NDUFA12: variants seen among roughly 807,000 people sequenced by gnomAD.
The protein encoded by NDUFA12 is NADH:ubiquinone oxidoreductase subunit A12, also known as NADH dehydrogenase [ubiquinone] 1 alpha subcomplex subunit 12.
NDUFA12 carries 17 observed loss-of-function variants against 20.3 expected under a neutral mutation model. That is an observed-to-expected ratio of 0.84 (90% CI 0.57 to 1.26). The LOEUF (loss-of-function observed/expected upper bound fraction) is 1.26, where lower values mean the gene tolerates loss of function less well. NDUFA12 is among the 50% of genes most tolerant of loss of function. NDUFA12 has a pLI of 0.00. For missense variants in NDUFA12, 191 were observed against 183.7 expected, an observed-to-expected ratio of 1.04 and a Z score of -0.23; for synonymous variants, 72 against 63.6, an observed-to-expected ratio of 1.13 and a Z score of -0.63.
intron 3 of NDUFA12, among the ~76,000 whole-genome samples, chr12:94,986,279 T>C (rs1054587371): frequency 1.3e-4 from 20 of 151,478 alleles, no homozygotes; most frequent in Non-Finnish European, 2.9e-4. Flanking sequence ...AGTAGAATGG[T>C]GGTTACCACG....
At chr12:94,974,179 C>T (rs1390235257) in intron 3 of NDUFA12, among the ~76,000 whole-genome samples, 1 of 151,860 alleles carries the variant, frequency 6.6e-6, no homozygotes, top group Non-Finnish European at 1.5e-5. Context: ...ACCATGTTGT[C>T]CAGGCTGGTC....
At chr12:94,983,930 C>T (rs1874324553) in intron 3 of NDUFA12, among the ~76,000 whole-genome samples, 1 of 151,808 alleles carries the variant, frequency 6.6e-6, no homozygotes, top group African/African-American at 2.4e-5. Context: ...TTGCGGTAGC[C>T]CAGCAAGATG....
At chr12:94,987,184 G>A (rs1272768946) in intron 3 of NDUFA12, among the ~76,000 whole-genome samples, 1 of 152,140 alleles carries the variant, frequency 6.6e-6, no homozygotes, top group Non-Finnish European at 1.5e-5. Flanking sequence ...CATGGCTTCA[G>A]TGACAGGAAT....
intron 2 of NDUFA12, among the ~76,000 whole-genome samples, chr12:95,000,978 A>G (rs984387331): frequency 6.6e-6 from 1 of 152,246 alleles, no homozygotes; most frequent in Non-Finnish European, 1.5e-5. Flanking sequence ...AAAATGTTTA[A>G]TTCATCAGTA....
chr12:94,971,550 A>G lies in NDUFA12; in HGVS notation c.328T>C (p.Trp110Arg), dbSNP rs768096723. Reference sequence around the variant, plus strand: ...GTCACGTTGAATTTATGGTTCGTCCAAATGAATTTACGAGCAGTAAGTGGT... The same window carrying G: ...GTCACGTTGAATTTATGGTTCGTCCGAATGAATTTACGAGCAGTAAGTGGT... ...TKPLTARKFI[W>R]TNHKFNVTGT... is the part of the protein sequence containing the mutation. Residue 110 changes from tryptophan (W) to arginine (R), a missense_variant, in exon 4 of 4, where the codon TGG (tryptophan) becomes CGG (arginine). Trp to Arg is a moderately radical substitution (Grantham distance 101, BLOSUM62 -3). Coordinates refer to ENST00000327772, the MANE Select transcript of NDUFA12 (RefSeq NM_018838.5). 5.0e-6 allele frequency: 8 copies of G among 1,614,238 alleles called. No individual in the cohort carries two copies. The highest frequency in any genetic ancestry group is 6.8e-6 in the Non-Finnish European group (8 of 1,180,040).
rs143119749 is a variant in NDUFA12, at chr12:94,989,362, A to C, written c.257+4808T>G. Among the ~76,000 whole-genome samples the C allele has an allele frequency of 5.6e-3, 858 of 152,316 alleles. 19 individuals carry two copies. The highest frequency in any genetic ancestry group is 4.4e-3 in the Non-Finnish European group (297 of 68,026). ...AAATAGTTATTTGAATAGGGATGAT[A>C]AATTGTATCTGTACAATTACTCTCT... On this transcript the variant is annotated intron_variant, in intron 3 of 3. Transcript: ENST00000327772.
intron 2 of NDUFA12, 102 bp downstream of exon 2, chr12:95,002,637 T>C (rs1253157581): frequency 1.2e-6 from 1 of 858,946 alleles, no homozygotes; most frequent in Non-Finnish European, 2.0e-6. Flanking sequence ...TTTCATCCTT[T>C]TCCAGGTGTT....
At chr12:94,990,278 A>AC (rs112056658) in intron 3 of NDUFA12, among the ~76,000 whole-genome samples, 11,749 of 151,748 alleles carry the variant, frequency 0.077, 535 homozygotes, top group Middle Eastern at 0.22. Flanking sequence ...GTGGAAAAAA[A>AC]AAAAACAAAA....
At position 95,003,575 on chromosome 12, in the gene NDUFA12, G is replaced by A; in HGVS notation, c.86+20C>T. 1 of 1,612,256 alleles carries A rather than the reference G, an allele frequency of 6.2e-7. No individual in the cohort carries two copies. ...GAAAGTCCAGCCCCAGAGGCCAAGA[G>A]CATGGCTCTGGCCGCCTACCTGAAA... On this transcript the variant is annotated intron_variant, in intron 1 of 3. Transcript: ENST00000327772.
intron 2 of NDUFA12, among the ~76,000 whole-genome samples, chr12:95,001,452 T>C (rs554771739): frequency 8.6e-5 from 13 of 151,880 alleles, no homozygotes; most frequent in African/African-American, 2.9e-4. Context: ...AGACCTCGTC[T>C]CTCCAAAAAA....
At chr12:94,981,606 A>C (rs890663460) in intron 3 of NDUFA12, among the ~76,000 whole-genome samples, 28 of 152,242 alleles carry the variant, frequency 1.8e-4, no homozygotes, top group Non-Finnish European at 7.3e-5. Context: ...GTAAAAAAAG[A>C]CACTAAATTA....
At chr12:94,981,030 C>A (rs1176776032) in intron 3 of NDUFA12, among the ~76,000 whole-genome samples, 1 of 148,150 alleles carries the variant, frequency 6.7e-6, no homozygotes, top group Non-Finnish European at 1.5e-5. Context: ...ACTGTGTAGA[C>A]GGTGGCAATT....
intron 3 of NDUFA12, among the ~76,000 whole-genome samples, chr12:94,976,752 A>T (rs1189606686): frequency 6.6e-6 from 1 of 152,232 alleles, no homozygotes; most frequent in Non-Finnish European, 1.5e-5. Flanking sequence ...ATAACAGGCT[A>T]TTCTTATTTC....
At chr12:94,973,542 T>A (rs1873959146) in intron 3 of NDUFA12, among the ~76,000 whole-genome samples, 1 of 152,202 alleles carries the variant, frequency 6.6e-6, no homozygotes. Context: ...TTTACCTCAC[T>A]GAGTCAGCTT....
chr12:94,995,117 T>C (rs1291007046), intron 2 of NDUFA12, among the ~76,000 whole-genome samples: 1 of 152,228 alleles, frequency 6.6e-6, no homozygotes, highest in Non-Finnish European at 1.5e-5. Flanking sequence ...ACTGAATCCA[T>C]TCATTCCTAT....
chr12:94,977,637 G>C lies in NDUFA12; in HGVS notation c.258-6017C>G, dbSNP rs141185542. Among the ~76,000 whole-genome samples the C allele has an allele frequency of 2.6e-5, 4 of 152,228 alleles. No individual in the cohort carries two copies. In the East Asian group the frequency reaches 5.8e-4, roughly 22 times the overall value. The stretch of plus-strand genomic sequence containing the variant: ...AAGCTATAAAGGAGTAGCAGAAGAT[G>C]CCATTTTTGGATCAGCTAAAGTGAA... On this transcript the variant is annotated intron_variant, in intron 3 of 3. Transcript: ENST00000327772.
At chr12:95,002,104 T>A (rs975884115) in intron 2 of NDUFA12, among the ~76,000 whole-genome samples, 1 of 151,968 alleles carries the variant, frequency 6.6e-6, no homozygotes, top group African/African-American at 2.4e-5. Flanking sequence ...TGCATTAACC[T>A]ACATATTTAT....
At chr12:95,002,615 T>C in intron 2 of NDUFA12, 124 bp downstream of exon 2, 1 of 750,784 alleles carries the variant, frequency 1.3e-6, no homozygotes, top group Non-Finnish European at 2.3e-6. Flanking sequence ...TTTTTTCATT[T>C]TCTATTGAGT....
At chr12:94,989,327 G>A (rs572813603) in intron 3 of NDUFA12, among the ~76,000 whole-genome samples, 12 of 152,134 alleles carry the variant, frequency 7.9e-5, no homozygotes, top group Middle Eastern at 3.4e-3. Context: ...CTTGGCACCT[G>A]GTAGGTACTA....
Sources: gnomAD v4.1 joint callset for allele counts (sites outside exome capture counted in the v4.1 genomes callset) on GRCh38, gnomAD v4.1.1 for gene constraint, MANE v1.5 for transcripts, NCBI Gene and HGNC (gene_info 2026-07-23, HGNC 2026-07-21) for gene names.